DTX2: variants seen among roughly 807,000 people sequenced by gnomAD.
DTX2 encodes deltex E3 ubiquitin ligase 2.
Under a neutral mutation model 55.3 loss-of-function variants are expected in DTX2, and 29 were observed. The observed-to-expected ratio is 0.52, with a 90% CI of 0.39 to 0.71. The LOEUF (loss-of-function observed/expected upper bound fraction) is 0.71. Among genes scored for constraint, DTX2 ranks in the 30% least tolerant of loss-of-function variants. DTX2 has a pLI of 0.00. For synonymous variants in DTX2, 276 were observed against 340.4 expected (o/e 0.81, Z 2.08); for missense variants, 537 against 822.5 (o/e 0.65, Z 4.25).
chr7:76,480,764 C>T lies in DTX2; in HGVS notation c.255C>T (p.Phe85=). The T allele has an allele frequency of 6.2e-7, 1 of 1,605,244 alleles. No individual in the cohort carries two copies. Among genetic ancestry groups the T allele is most frequent in the Non-Finnish European group, 8.5e-7 (1 of 1,175,080 alleles). The change falls in exon 3 of 11, where the codon TTC becomes TTT. Residue 85 remains phenylalanine, a synonymous_variant. Coordinates refer to ENST00000430490, the MANE Select transcript of DTX2 (RefSeq NM_001102594.3). The part of the protein sequence containing the change: ...YIIDLPSWTQ[F]RQDTGTMRAV... Reference sequence around the variant, plus strand: ...TTGACCTCCCCAGCTGGACCCAGTTCCGCCAGGACACCGGTAAGACGCTGT... The same window carrying T: ...TTGACCTCCCCAGCTGGACCCAGTTTCGCCAGGACACCGGTAAGACGCTGT...
intron 2 of DTX2, among the ~76,000 whole-genome samples, chr7:76,467,550 C>T (rs2116140255): frequency 1.1e-5 from 1 of 93,890 alleles, no homozygotes; most frequent in East Asian, 3.1e-4. Context: ...AATATCTTCT[C>T]CCAGCTTTTA....
intron 2 of DTX2, among the ~76,000 whole-genome samples, chr7:76,469,764 T>C (rs1407121995): frequency 6.7e-6 from 1 of 149,270 alleles, no homozygotes; most frequent in African/African-American, 2.5e-5. Flanking sequence ...AAAACACATC[T>C]ACAGGCCAGT....
chr7:76,465,257 G>A (rs536649631), intron 2 of DTX2, among the ~76,000 whole-genome samples: 29 of 145,886 alleles, frequency 2.0e-4, no homozygotes, highest in Non-Finnish European at 3.0e-4. Context: ...GGACAGACAC[G>A]CTGATGCACA....
chr7:76,466,062 AAGGAAGATGC>A (rs1193837103), intron 2 of DTX2, among the ~76,000 whole-genome samples: 2 of 114,882 alleles, frequency 1.7e-5, no homozygotes, highest in African/African-American at 7.1e-5. Flanking sequence ...GAGAATGAGG[AAGGAAGATGC>A]GTTTGGCCTC....
chr7:76,497,759 G>C (rs1307809096), intron 6 of DTX2, among the ~76,000 whole-genome samples: 2 of 150,752 alleles, frequency 1.3e-5, no homozygotes, highest in Non-Finnish European at 2.9e-5. Context: ...AACAAGTTGT[G>C]GGTGAGAGGC....
chr7:76,486,887 C>CT (rs1563742121), intron 4 of DTX2, among the ~76,000 whole-genome samples: 3 of 151,392 alleles, frequency 2.0e-5, no homozygotes, highest in Admixed American at 6.6e-5. Flanking sequence ...GCTGCTGCTG[C>CT]CCTTGCCTCT....
chr7:76,469,500 C>A (rs1326028556), intron 2 of DTX2, among the ~76,000 whole-genome samples: 1 of 145,642 alleles, frequency 6.9e-6, no homozygotes, highest in African/African-American at 2.6e-5. Context: ...TCAAGCAATT[C>A]TCCTGCCTCA....
At position 76,503,546 on chromosome 7, in the gene DTX2, G is replaced by A. The variant is rs760290601; in HGVS notation, c.1510G>A (p.Gly504Arg). ...QMSLPGHEDC[G>R]TILIVYSIPH... ...GTCGCTCCCCGGCCACGAGGACTGC[G>A]GGACCATCCTCATAGTTTACAGCAT... Residue 504 changes from glycine to arginine, a missense_variant, in exon 9 of 11, where the codon GGG becomes AGG. Physicochemically the swap from Gly to Arg is moderately radical, Grantham distance 125. Transcript: ENST00000430490. The A allele has an allele frequency of 6.2e-6, 10 of 1,612,684 alleles. No individual in the cohort carries two copies. Among genetic ancestry groups the A allele is most frequent in the Middle Eastern group, 1.7e-4 (1 of 6,056 alleles).
chr7:76,505,831 C>T lies in DTX2; in HGVS notation c.*230C>T. ...ATGGGGGCTTAGGATGCAGCTACCT[C>T]AGTGCGCAGGGCCCGTCTGTCCTCT... On this transcript the variant is annotated 3_prime_UTR_variant, in exon 11 of 11. Transcript: ENST00000430490. This position sits in a 1 kb window ranked among gnomAD's most constrained non-coding sequence, Gnocchi z 4.4. The T allele has an allele frequency of 1.6e-6, 1 of 606,496 alleles. No individual in the cohort carries two copies. Among genetic ancestry groups the T allele is most frequent in the Non-Finnish European group, 2.9e-6 (1 of 341,202 alleles). 37.6% of individuals were successfully genotyped at this position (606,496 alleles called of 1,614,324 possible).
rs779455693 is a variant in DTX2 at position 76,503,433 on chromosome 7, G to C, written c.1397G>C (p.Ser466Thr). 12 of 1,612,466 alleles carry C rather than the reference G, an allele frequency of 7.4e-6. No homozygotes were observed. In the African/African-American group the frequency reaches 1.2e-4, roughly 16 times the overall value. ...AMYCNGNKDG[S>T]LQCPSCKTIY... ...TGCGTCTGCCTCTGTCAGGATGGAA[G>C]TCTGCAGTGTCCCTCCTGCAAAACC... Residue 466 changes from serine to threonine, a missense_variant, in exon 9 of 11, where the codon AGT becomes ACT. Transcript: ENST00000430490.
At chr7:76,489,892 A>G (rs1471580574) in intron 4 of DTX2, among the ~76,000 whole-genome samples, 1 of 138,320 alleles carries the variant, frequency 7.2e-6, no homozygotes, top group African/African-American at 2.6e-5. Flanking sequence ...CATATTAAAA[A>G]AAAAAAAAAC....
At chr7:76,466,617 G>C (rs529614162) in intron 2 of DTX2, among the ~76,000 whole-genome samples, 1 of 149,522 alleles carries the variant, frequency 6.7e-6, no homozygotes, top group East Asian at 1.9e-4. Context: ...TTGAGGCAGA[G>C]TTTCACTCTT....
intron 5 of DTX2, among the ~76,000 whole-genome samples, chr7:76,495,436 T>A (rs1002141144): frequency 6.6e-6 from 1 of 152,114 alleles, no homozygotes; most frequent in African/African-American, 2.4e-5. Context: ...CTCCGAGTTA[T>A]TCAGGTGTTT....
At position 76,505,836 on chromosome 7, in the gene DTX2, C is replaced by G; in HGVS notation, c.*235C>G. ...GGCTTAGGATGCAGCTACCTCAGTGCGCAGGGCCCGTCTGTCCTCTGGGGG... is the reference window on the plus strand; with the variant it reads ...GGCTTAGGATGCAGCTACCTCAGTGGGCAGGGCCCGTCTGTCCTCTGGGGG... On this transcript the variant is annotated 3_prime_UTR_variant, in exon 11 of 11. Transcript: ENST00000430490. This position sits in a 1 kb window ranked among gnomAD's most constrained non-coding sequence, Gnocchi z 4.4. The G allele has an allele frequency of 1.7e-6, 1 of 602,724 alleles. No individual in the cohort carries two copies. The highest frequency in any genetic ancestry group is 3.0e-6 in the Non-Finnish European group (1 of 338,590). 37.3% of individuals were successfully genotyped at this position (602,724 alleles called of 1,614,324 possible).
At chr7:76,499,264 T>G (rs1003198682) in intron 6 of DTX2, among the ~76,000 whole-genome samples, 1 of 83,034 alleles carries the variant, frequency 1.2e-5, no homozygotes, top group African/African-American at 5.4e-5. Flanking sequence ...TGGTTACATA[T>G]TCGTCTTTCC....
intron 2 of DTX2, chr7:76,476,909 A>C (rs1808607728): frequency 1.3e-5 from 2 of 151,848 alleles, no homozygotes; most frequent in African/African-American, 4.9e-5. Flanking sequence ...CTTCGTGGAA[A>C]GTTTTAGCTG....
chr7:76,499,350 G>A (rs552396260), intron 6 of DTX2, among the ~76,000 whole-genome samples: 6 of 143,048 alleles, frequency 4.2e-5, no homozygotes, highest in African/African-American at 1.1e-4. Context: ...TAAACAAACC[G>A]TGCCGACTCC....
At chr7:76,484,081 C>T (rs1453515057) in intron 4 of DTX2, among the ~76,000 whole-genome samples, 1 of 134,516 alleles carries the variant, frequency 7.4e-6, no homozygotes, top group Non-Finnish European at 1.6e-5. Context: ...CAGTGGCTCA[C>T]GCCTGTAGTT....
chr7:76,468,226 C>G (rs1208552906), intron 2 of DTX2, among the ~76,000 whole-genome samples: 1 of 152,202 alleles, frequency 6.6e-6, no homozygotes, highest in South Asian at 2.1e-4. Context: ...CTGTATTTCA[C>G]CCTTAGGTGT....
Sources: gnomAD v4.1 joint callset for allele counts (sites outside exome capture counted in the v4.1 genomes callset) on GRCh38, gnomAD v4.1.1 for gene constraint, Gnocchi (gnomAD v3.1) non-coding constraint, MANE v1.5 for transcripts, NCBI Gene and HGNC (gene_info 2026-07-23, HGNC 2026-07-21) for gene names.